PLCG2: variants seen among roughly 807,000 people sequenced by gnomAD.
PLCG2 encodes phospholipase C gamma 2, also known as 1-phosphatidylinositol 4,5-bisphosphate phosphodiesterase gamma-2.
Under a neutral mutation model 175.6 loss-of-function variants are expected in PLCG2, and 69 were observed. The observed-to-expected ratio is 0.39, with a 90% CI of 0.32 to 0.48. PLCG2 has a LOEUF of 0.48. Ranked by LOEUF, PLCG2 falls within the 20% of genes least tolerant of loss-of-function variation. PLCG2 has a pLI of 0.91. For missense variants in PLCG2, 1,798 were observed against 1,650.9 expected (o/e 1.09, Z -1.54); for synonymous variants, 827 against 624.0 (o/e 1.33, Z -4.85).
At chr16:81,759,903 G>A (rs1910002519) in intron 2 of PLCG2, among the ~76,000 whole-genome samples, 1 of 152,166 alleles carries the variant, frequency 6.6e-6, no homozygotes, top group African/African-American at 2.4e-5. Flanking sequence ...GAGGCGGGCA[G>A]ATCACAAGGT....
At chr16:81,873,479 C>T (rs992205300) in intron 7 of PLCG2, among the ~76,000 whole-genome samples, 2 of 151,848 alleles carry the variant, frequency 1.3e-5, no homozygotes, top group African/African-American at 2.4e-5. Flanking sequence ...GGAATGGTGA[C>T]GATTGTCATC....
At chr16:81,906,579 A>G (rs1380471997) in intron 15 of PLCG2, among the ~76,000 whole-genome samples, 1 of 152,190 alleles carries the variant, frequency 6.6e-6, no homozygotes, top group Non-Finnish European at 1.5e-5. Flanking sequence ...GTGCACCACC[A>G]TGCCCTGCTA....
At chr16:81,760,759 A>AAAATAAT (rs1491159948) in intron 2 of PLCG2, among the ~76,000 whole-genome samples, 3 of 135,472 alleles carry the variant, frequency 2.2e-5, no homozygotes, top group African/African-American at 8.2e-5. Context: ...AAAAAAAAAA[A>AAAATAAT]TAATAATAAT....
chr16:81,954,471 T>A (rs1376892459), intron 31 of PLCG2, among the ~76,000 whole-genome samples: 1 of 152,202 alleles, frequency 6.6e-6, no homozygotes, highest in East Asian at 1.9e-4. Flanking sequence ...CAACCTGTCA[T>A]CTAGGTTTTA....
chr16:81,879,933 G>A (rs1309137692), intron 7 of PLCG2, among the ~76,000 whole-genome samples: 2 of 152,146 alleles, frequency 1.3e-5, no homozygotes, highest in Non-Finnish European at 2.9e-5. Flanking sequence ...TCTTGCCTTC[G>A]AAGATTAGAA....
Position 81,743,001 on chromosome 16 carries a change from C to T in PLCG2, c.-145+3616C>T, listed in dbSNP as rs1055514957. Among the ~76,000 whole-genome samples, 3 of 152,246 alleles carry T rather than the reference C, an allele frequency of 2.0e-5. No individual in the cohort carries two copies. The East Asian group carries it at 5.8e-4, about 29-fold the overall frequency. ...TCACAGTTCACCTATTATGTTTTATCGACAGAAGAACCAGTCTAGCTGGGT... is the reference window on the plus strand; with the variant it reads ...TCACAGTTCACCTATTATGTTTTATTGACAGAAGAACCAGTCTAGCTGGGT... On this transcript the variant is annotated intron_variant, in intron 1 of 5. Coordinates refer to the PLCG2 transcript ENST00000565054.
intron 2 of PLCG2, among the ~76,000 whole-genome samples, chr16:81,844,212 C>G (rs903583028): frequency 2.8e-5 from 4 of 140,790 alleles, no homozygotes; most frequent in Non-Finnish European, 6.0e-5. Context: ...CCAGGATGGT[C>G]TCTATCTCCT....
intron 17 of PLCG2, 147 bp from the exon 18 acceptor site, chr16:81,910,373 G>A (rs1420229792): frequency 1.6e-5 from 11 of 699,862 alleles, no homozygotes; most frequent in Non-Finnish European, 2.5e-5. Context: ...TTACAGGCAT[G>A]AGCCACTGCG....
At chr16:81,916,438 G>A (rs1909845726) in intron 19 of PLCG2, among the ~76,000 whole-genome samples, 2 of 151,916 alleles carry the variant, frequency 1.3e-5, no homozygotes, top group African/African-American at 4.8e-5. Flanking sequence ...CCATAGAAAC[G>A]ATGCCTCTAG....
intron 11 of PLCG2, among the ~76,000 whole-genome samples, chr16:81,892,453 C>T (rs1257618080): frequency 6.6e-6 from 1 of 152,008 alleles, no homozygotes; most frequent in Non-Finnish European, 1.5e-5. Context: ...GGGGACTTTC[C>T]TAAGTGACAT....
intron 31 of PLCG2, among the ~76,000 whole-genome samples, chr16:81,947,247 G>GC (rs1911187746): frequency 6.6e-6 from 1 of 152,162 alleles, no homozygotes; most frequent in Non-Finnish European, 1.5e-5. Flanking sequence ...TTAATGCCGG[G>GC]GCTGCCACTG....
At chr16:81,770,791 G>T (rs1160186542) in intron 2 of PLCG2, among the ~76,000 whole-genome samples, 1 of 152,114 alleles carries the variant, frequency 6.6e-6, no homozygotes, top group Non-Finnish European at 1.5e-5. Flanking sequence ...GGGCGCGGTG[G>T]CTCACGCCTG....
chr16:81,848,267 A>C (rs1053959524), intron 2 of PLCG2, among the ~76,000 whole-genome samples: 3 of 152,190 alleles, frequency 2.0e-5, no homozygotes, highest in African/African-American at 7.2e-5. Context: ...ATAAGCTAAT[A>C]CTTGTCTTGG....
In PLCG2 at chr16:81,785,522, T is replaced by C. The variant is rs117500363; in HGVS notation, c.-47-421T>C. 5.3e-5 allele frequency among the ~76,000 whole-genome samples: 8 copies of C among 151,774 alleles called. No individual in the cohort carries two copies. In the East Asian group the frequency reaches 1.4e-3, roughly 26 times the overall value. On this transcript the variant is annotated intron_variant, in intron 1 of 32. Transcript: ENST00000564138. ...TTTTTTTTTTTTTTTTGTTCTTAATTTTGCTCAGGAATAAAGAGATGGTTA... is the reference window on the plus strand; with the variant it reads ...TTTTTTTTTTTTTTTTGTTCTTAATCTTGCTCAGGAATAAAGAGATGGTTA...
chr16:81,953,943 C>T (rs1911465819), intron 31 of PLCG2, among the ~76,000 whole-genome samples: 1 of 152,186 alleles, frequency 6.6e-6, no homozygotes, highest in Non-Finnish European at 1.5e-5. Flanking sequence ...AATAAAACAA[C>T]AGAAGCCATT....
At chr16:81,892,910 C>T (rs772857344) in intron 11 of PLCG2, among the ~76,000 whole-genome samples, 9 of 149,786 alleles carry the variant, frequency 6.0e-5, no homozygotes, top group Admixed American at 4.7e-4. Flanking sequence ...TGCATTGGTG[C>T]GATCTCAGCT....
intron 7 of PLCG2, 23 bp downstream of exon 7, chr16:81,870,958 G>T: frequency 7.9e-7 from 1 of 1,270,424 alleles, no homozygotes; most frequent in South Asian, 1.3e-5. Flanking sequence ...TTGAGCAAGT[G>T]ATCAAGTGAT....
intron 2 of PLCG2, among the ~76,000 whole-genome samples, chr16:81,829,711 GTTTC>G (rs148793054): frequency 0.026 from 3,900 of 152,304 alleles, 52 homozygotes; most frequent in Non-Finnish European, 0.038. Flanking sequence ...ATGTAGAGGT[GTTTC>G]TTTCTTTTGA....
At chr16:81,838,741 G>A (rs1256508913) in intron 2 of PLCG2, among the ~76,000 whole-genome samples, 1 of 150,108 alleles carries the variant, frequency 6.7e-6, no homozygotes, top group Non-Finnish European at 1.5e-5. Flanking sequence ...AAACCTGCAC[G>A]TTCCGCACAT....
Sources: gnomAD v4.1 joint callset for allele counts (sites outside exome capture counted in the v4.1 genomes callset) on GRCh38, gnomAD v4.1.1 for gene constraint, MANE v1.5 for transcripts, NCBI Gene and HGNC (gene_info 2026-07-23, HGNC 2026-07-21) for gene names.